Variants in ANO5 observed in about 807,000 individuals in gnomAD.
ANO5 encodes the protein anoctamin 5, also known as anoctamin-5.
A neutral mutation model predicts 121.0 loss-of-function variants in ANO5; 109 were observed. The ratio of observed to expected loss-of-function variants is 0.90; its 90% CI spans 0.77 to 1.06. The LOEUF (loss-of-function observed/expected upper bound fraction) is 1.06, where lower values mean the gene tolerates loss of function less well. Ranked by LOEUF, ANO5 falls within the 50% of genes least tolerant of loss-of-function variation. ANO5 has a pLI of 0.00. For synonymous variants in ANO5, 406 were observed against 359.9 expected (o/e 1.13, Z -1.45); for missense variants, 1,064 against 1,078.5 (o/e 0.99, Z 0.19).
At chr11:22,269,068 AGAAGGAGGGAAG>A (rs1564947836) in intron 17 of ANO5, among the ~76,000 whole-genome samples, 1 of 151,014 alleles carries the variant, frequency 6.6e-6, no homozygotes, top group South Asian at 2.1e-4. Flanking sequence ...AGAAAAGGAA[AGAAGGAGGGAAG>A]GAAGGACGGA....
Position 22,259,680 on chromosome 11 carries a change from T to G in ANO5, c.1569T>G (p.Phe523Leu). 6.2e-7 allele frequency: 1 copy of G among 1,614,122 alleles called. No individual in the cohort carries two copies. The highest frequency in any genetic ancestry group is 8.5e-7 in the Non-Finnish European group (1 of 1,179,990). ...TTSLTGSCLN[F>L]IVILILNFFY... ...CACTCACAGGATCATGCTTGAACTT[T>G]ATTGTCATCTTGATCTTGAATTTCT... The change falls in exon 15 of 22, where the codon TTT becomes TTG. Residue 523 changes from phenylalanine (F) to leucine (L), a missense_variant. Physicochemically the swap from Phe to Leu is conservative, Grantham distance 22. Coordinates refer to ENST00000324559, the MANE Select transcript of ANO5 (RefSeq NM_213599.3).
At chr11:22,232,995 A>G (rs9651577) in intron 7 of ANO5, among the ~76,000 whole-genome samples, 14,506 of 152,064 alleles carry the variant, frequency 0.095, 2,368 homozygotes, top group African/African-American at 0.33. Context: ...GATAATACTC[A>G]TAGATACCCC....
chr11:22,258,741 C>G (rs1854083722), intron 14 of ANO5, among the ~76,000 whole-genome samples: 1 of 152,164 alleles, frequency 6.6e-6, no homozygotes. Flanking sequence ...CATGAGTCAG[C>G]AAACATTTTC....
chr11:22,219,398 G>C (rs571253572), intron 4 of ANO5, among the ~76,000 whole-genome samples: 1 of 152,098 alleles, frequency 6.6e-6, no homozygotes, highest in Non-Finnish European at 1.5e-5. Context: ...CACATGTTCT[G>C]TTACCAGAAC....
rs1387724202 is a variant in ANO5, at chr11:22,280,011, C to CTGT, written c.*249_*251dup. ...TTGTTTTCTGAGGTGCTGTAAATGA[C>CTGT]TGTTGAAAGTGCAGGTAGAATCAGA... On this transcript the variant is annotated 3_prime_UTR_variant, in exon 22 of 22. Transcript: ENST00000324559. 2.0e-6 allele frequency: 1 copy of CTGT among 494,764 alleles called. No homozygotes were observed. Among genetic ancestry groups the CTGT allele is most frequent in the Non-Finnish European group, 3.6e-6 (1 of 278,142 alleles). The allele number at this position is 494,764 out of a possible 1,614,324, so 30.6% of individuals were successfully genotyped here. A position where few individuals can be genotyped will look rare whatever the true frequency, so the allele number is the denominator to read the frequency against.
chr11:22,192,832 G>C (rs1851688425), upstream of ANO5: 1 of 321,720 alleles, frequency 3.1e-6, no homozygotes, highest in Admixed American at 6.5e-5. Flanking sequence ...AACAGGGCCG[G>C]GGGGCGGCGG....
intron 7 of ANO5, among the ~76,000 whole-genome samples, chr11:22,229,353 C>G (rs986071397): frequency 6.6e-6 from 1 of 151,742 alleles, no homozygotes; most frequent in Non-Finnish European, 1.5e-5. Context: ...CAGGAATAGT[C>G]AACAAAATGT....
At chr11:22,197,220 A>G in intron 1 of ANO5, among the ~76,000 whole-genome samples, 1 of 152,226 alleles carries the variant, frequency 6.6e-6, no homozygotes, top group Admixed American at 6.5e-5. Flanking sequence ...GGAATCAGTG[A>G]TCTCCAATTG....
intron 15 of ANO5, 141 bp from the exon 16 acceptor site, chr11:22,261,988 T>C (rs1210679856): frequency 1.4e-6 from 1 of 716,182 alleles, no homozygotes; most frequent in Non-Finnish European, 2.4e-6. Flanking sequence ...AGTTACTTAA[T>C]ATTGGCCTAC....
At chr11:22,234,390 T>A (rs1445729520) in intron 7 of ANO5, among the ~76,000 whole-genome samples, 1 of 152,130 alleles carries the variant, frequency 6.6e-6, no homozygotes, top group Non-Finnish European at 1.5e-5. Flanking sequence ...AAGCTTTTGG[T>A]AAAGCATCAG....
chr11:22,262,827 T>C (rs1564944075), intron 16 of ANO5, 119 bp from the exon 17 acceptor site: 2 of 806,674 alleles, frequency 2.5e-6, no homozygotes, highest in Non-Finnish European at 4.2e-6. Context: ...AAATATATCT[T>C]AACCCTTCCA....
chr11:22,236,533 T>G (rs1215613512), intron 8 of ANO5, among the ~76,000 whole-genome samples: 1 of 152,184 alleles, frequency 6.6e-6, no homozygotes, highest in African/African-American at 2.4e-5. Context: ...AGAACCCATT[T>G]TGAAAATAGC....
At chr11:22,219,501 A>C (rs958551959) in intron 4 of ANO5, among the ~76,000 whole-genome samples, 31 of 152,120 alleles carry the variant, frequency 2.0e-4, no homozygotes, top group Admixed American at 1.2e-3. Context: ...ACAACAAAAA[A>C]CCCCTCTATC....
chr11:22,239,795 T>C, intron 9 of ANO5, 111 bp downstream of exon 9: 1 of 812,532 alleles, frequency 1.2e-6, no homozygotes, highest in Non-Finnish European at 2.1e-6. Context: ...TTTCACAACT[T>C]CTTGATTTCA....
chr11:22,276,270 C>T, intron 21 of ANO5, 71 bp downstream of exon 21: 1 of 1,271,722 alleles, frequency 7.9e-7, no homozygotes, highest in Non-Finnish European at 1.1e-6. Flanking sequence ...AAGGTAACCT[C>T]TCATCAGAAA....
At chr11:22,257,145 T>C (rs1166089379) in intron 13 of ANO5, among the ~76,000 whole-genome samples, 1 of 152,144 alleles carries the variant, frequency 6.6e-6, no homozygotes, top group African/African-American at 2.4e-5. Flanking sequence ...ATCTACTTAC[T>C]TCTTGATGCA....
At chr11:22,193,926 G>A (rs914210099) in intron 1 of ANO5, among the ~76,000 whole-genome samples, 2 of 152,224 alleles carry the variant, frequency 1.3e-5, no homozygotes, top group Non-Finnish European at 2.9e-5. Context: ...AAAAGCAGCA[G>A]TATAGAGTGC....
At chr11:22,245,526 T>G (rs1341907696) in intron 9 of ANO5, among the ~76,000 whole-genome samples, 2 of 152,224 alleles carry the variant, frequency 1.3e-5, no homozygotes, top group Non-Finnish European at 2.9e-5. Context: ...AAATATTTAT[T>G]TGAGAAGAGT....
At chr11:22,269,630 A>G (rs1854537167) in intron 17 of ANO5, among the ~76,000 whole-genome samples, 1 of 151,966 alleles carries the variant, frequency 6.6e-6, no homozygotes, top group African/African-American at 2.4e-5. Context: ...GATATTTCTG[A>G]TAAGACTGAA....
Sources: gnomAD v4.1 joint callset for allele counts (sites outside exome capture counted in the v4.1 genomes callset) on GRCh38, gnomAD v4.1.1 for gene constraint, MANE v1.5 for transcripts, NCBI Gene and HGNC (gene_info 2026-07-23, HGNC 2026-07-21) for gene names.